Variants in OXSR1 observed in about 807,000 individuals in gnomAD.
OXSR1 encodes serine/threonine-protein kinase OSR1.
In OXSR1, 24 loss-of-function variants were observed where a neutral mutation model predicts 79.8. The observed-to-expected ratio is 0.30, with a 90% CI of 0.22 to 0.42. The LOEUF is 0.42. Among genes scored for constraint, OXSR1 ranks in the 10% least tolerant of loss-of-function variants. The pLI, the probability that OXSR1 is intolerant of heterozygous loss-of-function variation, is 1.00. For synonymous variants in OXSR1, 226 were observed against 209.2 expected, an observed-to-expected ratio of 1.08 and a Z score of -0.69; for missense variants, 430 against 618.4, an observed-to-expected ratio of 0.70 and a Z score of 3.23.
At chr3:38,232,281 C>T (rs1420425182) in intron 10 of OXSR1, among the ~76,000 whole-genome samples, 2 of 151,804 alleles carry the variant, frequency 1.3e-5, no homozygotes, top group African/African-American at 4.8e-5. Context: ...AATTAATGAG[C>T]TATGGTGGCA....
intron 5 of OXSR1, among the ~76,000 whole-genome samples, chr3:38,219,876 T>TA (rs1217084362): frequency 6.6e-6 from 1 of 152,084 alleles, no homozygotes; most frequent in African/African-American, 2.4e-5. Context: ...GGTGCAAATG[T>TA]AGTTCACTGC....
chr3:38,246,390 C>T (rs1703143321), intron 13 of OXSR1, among the ~76,000 whole-genome samples, 169 bp downstream of exon 13: 1 of 152,116 alleles, frequency 6.6e-6, no homozygotes, highest in South Asian at 2.1e-4. Context: ...GAGAATTTTA[C>T]AAGGATCACA....
At chr3:38,182,254 G>C (rs1007655965) in intron 1 of OXSR1, among the ~76,000 whole-genome samples, 2 of 152,210 alleles carry the variant, frequency 1.3e-5, no homozygotes, top group Non-Finnish European at 2.9e-5. Context: ...CTTTGCTGCT[G>C]CTAAGGGCAG....
chr3:38,247,880 G>A (rs1196939436), intron 14 of OXSR1, 148 bp downstream of exon 14: 1 of 571,248 alleles, frequency 1.8e-6, no homozygotes, highest in Non-Finnish European at 3.1e-6. Context: ...TTTTTCCCCA[G>A]AAATAATAGC....
chr3:38,164,840 A>T (rs1038879276), upstream of OXSR1, among the ~76,000 whole-genome samples: 1 of 152,032 alleles, frequency 6.6e-6, no homozygotes, highest in Admixed American at 6.5e-5. Flanking sequence ...GCGCCGCGAC[A>T]AGCGTTAGAG....
intron 10 of OXSR1, 113 bp downstream of exon 10, chr3:38,230,543 G>A (rs1375425407): frequency 1.4e-6 from 1 of 730,386 alleles, no homozygotes; most frequent in African/African-American, 1.8e-5. Context: ...GTTTTCTGTC[G>A]ATCCTTTCTA....
chr3:38,193,866 A>G (rs1702027721), intron 3 of OXSR1, among the ~76,000 whole-genome samples: 1 of 152,192 alleles, frequency 6.6e-6, no homozygotes. Context: ...TTTATGAGTC[A>G]ACATGATCAT....
intron 12 of OXSR1, among the ~76,000 whole-genome samples, chr3:38,244,777 T>A (rs766593965): frequency 6.6e-6 from 1 of 152,072 alleles, no homozygotes; most frequent in Non-Finnish European, 1.5e-5. Context: ...AAGTATCTCT[T>A]TGAGACCCTG....
At chr3:38,209,023 T>TATGGTACC (rs1475572725) in intron 4 of OXSR1, among the ~76,000 whole-genome samples, 4 of 152,052 alleles carry the variant, frequency 2.6e-5, no homozygotes, top group Admixed American at 6.6e-5. Context: ...TTTGGTGGGG[T>TATGGTACC]ATGGTACCTT....
chr3:38,222,735 T>C (rs1047876781), intron 6 of OXSR1, among the ~76,000 whole-genome samples: 6 of 152,140 alleles, frequency 3.9e-5, no homozygotes, highest in Admixed American at 2.0e-4. Flanking sequence ...TTCACAACCT[T>C]CCTAACTTTT....
chr3:38,177,479 T>C (rs1031716354), intron 1 of OXSR1, among the ~76,000 whole-genome samples: 6 of 152,226 alleles, frequency 3.9e-5, no homozygotes, highest in African/African-American at 1.4e-4. Flanking sequence ...AAGTTAATGT[T>C]CCTAAACTGT....
chr3:38,164,361 GTCT>G (rs1303365629), upstream of OXSR1, among the ~76,000 whole-genome samples: 3 of 152,142 alleles, frequency 2.0e-5, no homozygotes, highest in African/African-American at 7.2e-5. Flanking sequence ...GGTCAGGATG[GTCT>G]CGAACTCCTG....
intron 3 of OXSR1, among the ~76,000 whole-genome samples, chr3:38,195,712 C>T (rs960198571): frequency 6.6e-6 from 1 of 152,156 alleles, no homozygotes; most frequent in Non-Finnish European, 1.5e-5. Flanking sequence ...TATCAAGTGT[C>T]TGAAGCCAGC....
At chr3:38,213,271 G>A (rs559666055) in intron 4 of OXSR1, among the ~76,000 whole-genome samples, 1 of 152,008 alleles carries the variant, frequency 6.6e-6, no homozygotes, top group Non-Finnish European at 1.5e-5. Flanking sequence ...CATGAAAATG[G>A]CACCTTACTT....
At chr3:38,190,953 T>G in intron 3 of OXSR1, 114 bp downstream of exon 3, 1 of 675,684 alleles carries the variant, frequency 1.5e-6, no homozygotes, top group Non-Finnish European at 2.7e-6. Context: ...GAGGAGATAC[T>G]GAAAATATAG....
intron 14 of OXSR1, 37 bp from the exon 15 acceptor site, chr3:38,249,929 G>A: frequency 7.9e-7 from 1 of 1,262,116 alleles, no homozygotes. Context: ...CATAAATTTA[G>A]AAATTCTTAT....
chr3:38,214,435 T>C (rs182105196), intron 4 of OXSR1, among the ~76,000 whole-genome samples: 3 of 152,244 alleles, frequency 2.0e-5, no homozygotes, highest in Admixed American at 1.3e-4. Flanking sequence ...TAATACTCCT[T>C]GCTAACATTA....
chr3:38,171,192 AT>A (rs983219752), intron 1 of OXSR1, among the ~76,000 whole-genome samples: 8 of 151,926 alleles, frequency 5.3e-5, no homozygotes, highest in Non-Finnish European at 1.0e-4. Flanking sequence ...GAGAAAAAAA[AT>A]TTTTTTTCTT....
chr3:38,180,754 G>C (rs1575312853), intron 1 of OXSR1, among the ~76,000 whole-genome samples: 1 of 151,854 alleles, frequency 6.6e-6, no homozygotes, highest in East Asian at 1.9e-4. Flanking sequence ...GGCTGGTCTT[G>C]AACTTCTGGA....
Sources: allele counts gnomAD v4.1 joint callset (sites outside exome capture counted in the v4.1 genomes callset), GRCh38; gene constraint gnomAD v4.1.1; transcripts MANE v1.5; gene names NCBI Gene and HGNC (gene_info 2026-07-23, HGNC 2026-07-21).